KCNQ2: variants seen among roughly 807,000 people sequenced by gnomAD.
The protein encoded by KCNQ2 is potassium voltage-gated channel subfamily Q member 2, also known as potassium voltage-gated channel subfamily KQT member 2.
Under a neutral mutation model 84.8 loss-of-function variants are expected in KCNQ2, and 14 were observed. That is an observed-to-expected ratio of 0.17 (90% confidence interval 0.11 to 0.26). The LOEUF (loss-of-function observed/expected upper bound fraction) is 0.26. KCNQ2 is among the 10% of genes least tolerant of loss of function. KCNQ2 has a pLI of 1.00. For missense variants in KCNQ2, 788 were observed against 1,254.0 expected, an observed-to-expected ratio of 0.63 and a Z score of 5.61; for synonymous variants, 599 against 554.1, an observed-to-expected ratio of 1.08 and a Z score of -1.14.
Position 63,406,322 on chromosome 20 carries a change from G to T in KCNQ2, c.*322C>A, listed in dbSNP as rs1434992416. 1 of 322,832 alleles carries T rather than the reference G, an allele frequency of 3.1e-6. No homozygotes were observed. Among genetic ancestry groups the T allele is most frequent in the Non-Finnish European group, 5.8e-6 (1 of 173,234 alleles). 20.0% of individuals were successfully genotyped at this position (322,832 alleles called of 1,614,324 possible). Reference sequence around the variant, plus strand: ...CCTGTTGCCACGCTGGCAACACCCCGTCATCACTCCCGCCCCTCCTCACAC... The same window carrying T: ...CCTGTTGCCACGCTGGCAACACCCCTTCATCACTCCCGCCCCTCCTCACAC... On this transcript the variant is annotated 3_prime_UTR_variant, in exon 17 of 17. Coordinates refer to ENST00000359125, the MANE Select transcript of KCNQ2 (RefSeq NM_172107.4).
chr20:63,470,979 C>G (rs1372552862), intron 1 of KCNQ2: 2 of 152,284 alleles, frequency 1.3e-5, no homozygotes, highest in African/African-American at 4.8e-5. Flanking sequence ...TGTAAGCGGC[C>G]TGGCATTTCC....
rs980142121 is a variant in KCNQ2, at chr20:63,400,668, C to T, written c.*5976G>A. 15 of 398,548 alleles carry T rather than the reference C, an allele frequency of 3.8e-5. No individual in the cohort carries two copies. Among genetic ancestry groups the T allele is most frequent in the Admixed American group, 4.4e-5 (1 of 22,718 alleles). The allele number at this position is 398,548 out of a possible 1,614,324, so 24.7% of individuals were successfully genotyped here. A position where few individuals can be genotyped will look rare whatever the true frequency, so the allele number is the denominator to read the frequency against. On this transcript the variant is annotated 3_prime_UTR_variant, in exon 17 of 17. Transcript: ENST00000359125. This position sits in a 1 kb window ranked among gnomAD's most constrained non-coding sequence, Gnocchi z 8.7. ...AATGGGGAAGCTGCAGCCACCGTCA[C>T]GGCCAGAGGATGGCAGACTGCAATG...
chr20:63,423,931 G>C, intron 11 of KCNQ2: 20 of 434,534 alleles, frequency 4.6e-5, no homozygotes, highest in Non-Finnish European at 4.8e-5. Context: ...CCGAGAAGCC[G>C]CCCAGCTGCC....
At chr20:63,456,985 G>A (rs6090422) in intron 1 of KCNQ2, among the ~76,000 whole-genome samples, 4,744 of 152,300 alleles carry the variant, frequency 0.031, 248 homozygotes, top group South Asian at 0.16. Context: ...TGGGGGCCCC[G>A]CTCGCCTCGT....
chr20:63,455,278 G>A (rs1023509082), intron 1 of KCNQ2, among the ~76,000 whole-genome samples: 24 of 152,220 alleles, frequency 1.6e-4, no homozygotes, highest in Non-Finnish European at 7.3e-5. Context: ...CCGTTGCCAA[G>A]GAGATAAGGC....
intron 1 of KCNQ2, among the ~76,000 whole-genome samples, chr20:63,455,885 G>A (rs2081773907): frequency 9.5e-6 from 1 of 105,170 alleles, no homozygotes; most frequent in Non-Finnish European, 1.9e-5. Context: ...ACCTCCGGGA[G>A]ACCCCTGTGC....
rs2079793701 is a variant in KCNQ2 at position 63,400,795 on chromosome 20, C to G, written c.*5849G>C. On this transcript the variant is annotated 3_prime_UTR_variant, in exon 17 of 17. Coordinates refer to ENST00000359125, the MANE Select transcript of KCNQ2 (RefSeq NM_172107.4). The surrounding 1 kb of genome is among the most constrained non-coding windows in gnomAD (Gnocchi z 8.7). ...CAGCTCTGGGCGCCTCAGTGCGAGA[C>G]CCCTCCGTGAGACCCCTCCTGCCCT... is the stretch of plus-strand genomic sequence containing the variant. 1 of 398,326 alleles carries G rather than the reference C, an allele frequency of 2.5e-6. No individual in the cohort carries two copies. Among genetic ancestry groups the G allele is most frequent in the Non-Finnish European group, 4.4e-6 (1 of 225,954 alleles). The allele number at this position is 398,326 out of a possible 1,614,324, so 24.7% of individuals were successfully genotyped here.
chr20:63,421,044 C>T (rs2080456674), intron 11 of KCNQ2, among the ~76,000 whole-genome samples: 1 of 152,118 alleles, frequency 6.6e-6, no homozygotes, highest in South Asian at 2.1e-4. Flanking sequence ...ACCAGCACCA[C>T]CCAGGCCCAA....
At chr20:63,412,106 GC>G (rs1336639053) in intron 15 of KCNQ2, 2 of 519,488 alleles carry the variant, frequency 3.8e-6, no homozygotes, top group Non-Finnish European at 6.9e-6. Flanking sequence ...GTGGCGGGCG[GC>G]CCCACTGCGG....
intron 1 of KCNQ2, among the ~76,000 whole-genome samples, chr20:63,457,416 A>G (rs1253395544): frequency 1.3e-5 from 2 of 152,230 alleles, no homozygotes; most frequent in Non-Finnish European, 2.9e-5. Flanking sequence ...ACAGGTCAGG[A>G]AGTCTCAGGT....
chr20:63,419,571 G>A (rs372525596), intron 12 of KCNQ2, 48 bp downstream of exon 12: 1 of 1,568,390 alleles, frequency 6.4e-7, no homozygotes, highest in South Asian at 1.2e-5. Context: ...GGGAGGGGCA[G>A]AGGAGCCGTG....
rs1568942790 is a variant in KCNQ2 at position 63,445,739 on chromosome 20, T to TA, written c.388-376_388-375insT. Among the ~76,000 whole-genome samples the TA allele has an allele frequency of 1.0e-4, 14 of 136,638 alleles. 2 individuals are homozygous for TA. The highest frequency in any genetic ancestry group is 8.3e-5 in the African/African-American group (3 of 36,336). The allele number at this position is 136,638 out of a possible 152,430, so 89.6% of individuals were successfully genotyped here. On this transcript the variant is annotated intron_variant, in intron 2 of 16. Transcript: ENST00000359125. ...CTGAGCTGGGAGGCCCTGTCTGAGC[T>TA]GGGAGGCCCTGTCTGAGCTGGGGGA...
chr20:63,417,441 GC>G (rs2080330665), intron 12 of KCNQ2, among the ~76,000 whole-genome samples: 1 of 152,258 alleles, frequency 6.6e-6, no homozygotes, highest in Non-Finnish European at 1.5e-5. Flanking sequence ...AGAGAGAGAA[GC>G]AGCCACCTCC....
intron 1 of KCNQ2, among the ~76,000 whole-genome samples, chr20:63,463,168 A>T (rs1410069358): frequency 6.6e-6 from 1 of 152,142 alleles, no homozygotes. Context: ...AGGTCAAGGC[A>T]GGAGGATCGC....
intron 1 of KCNQ2, 52 bp downstream of exon 1, chr20:63,472,116 G>A (rs2082231227): frequency 1.5e-6 from 2 of 1,339,134 alleles, no homozygotes; most frequent in African/African-American, 1.5e-5. Flanking sequence ...CGATGGGGTC[G>A]CCGATGGGGG....
intron 12 of KCNQ2, among the ~76,000 whole-genome samples, chr20:63,418,284 C>T (rs899346937): frequency 2.0e-5 from 3 of 152,232 alleles, no homozygotes; most frequent in African/African-American, 2.4e-5. Context: ...GTGGCACCTA[C>T]GCTTGGGGCT....
intron 4 of KCNQ2, among the ~76,000 whole-genome samples, chr20:63,443,103 C>CATT (rs2081276324): frequency 9.0e-6 from 1 of 110,618 alleles, no homozygotes; most frequent in South Asian, 3.8e-4. Context: ...CCACCATCAC[C>CATT]ATCACCACCA....
rs1312134759 is a variant in KCNQ2, at chr20:63,460,030, G to A, written c.296+12138C>T. ...CAGACGGCACCCGGGGACCTTGTGAGCTGTAGAATCGCCCCTTCTTCTGTG... is the reference window on the plus strand; with the variant it reads ...CAGACGGCACCCGGGGACCTTGTGAACTGTAGAATCGCCCCTTCTTCTGTG... On this transcript the variant is annotated intron_variant, in intron 1 of 16. Coordinates refer to ENST00000359125, the MANE Select transcript of KCNQ2 (RefSeq NM_172107.4). This position sits in a 1 kb window ranked among gnomAD's most constrained non-coding sequence, Gnocchi z 5.4. 6.6e-6 allele frequency: 1 copy of A among 152,266 alleles called. No individual in the cohort carries two copies. The highest frequency in any genetic ancestry group is 1.5e-5 in the Non-Finnish European group (1 of 68,076). 9.4% of individuals were successfully genotyped at this position (152,266 alleles called of 1,614,324 possible).
At chr20:63,415,260 G>A (rs1022619120) in intron 12 of KCNQ2, 134 bp from the exon 13 acceptor site, 2 of 708,480 alleles carry the variant, frequency 2.8e-6, no homozygotes, top group Non-Finnish European at 4.7e-6. Context: ...AGAACAGCCA[G>A]CCACACGGGT....
Sources: gnomAD v4.1 joint callset for allele counts (sites outside exome capture counted in the v4.1 genomes callset) on GRCh38, gnomAD v4.1.1 for gene constraint, Gnocchi (gnomAD v3.1) non-coding constraint, MANE v1.5 for transcripts, NCBI Gene and HGNC (gene_info 2026-07-23, HGNC 2026-07-21) for gene names.